The following RCC1L variants were observed in gnomAD, a reference collection of about 807,000 sequenced individuals.
RCC1L encodes RCC1 like.
In RCC1L, 46 loss-of-function variants were observed where a neutral mutation model predicts 58.6. The ratio of observed to expected loss-of-function variants is 0.79; its 90% CI spans 0.62 to 1.00. The LOEUF (loss-of-function observed/expected upper bound fraction) is 1.00, where lower values mean the gene tolerates loss of function less well. RCC1L is among the 50% of genes least tolerant of loss of function. RCC1L has a pLI of 0.00. For missense variants in RCC1L, 636 were observed against 623.6 expected (o/e 1.02, Z -0.21); for synonymous variants, 281 against 262.9 (o/e 1.07, Z -0.67).
rs1246255843 is a variant in RCC1L, at chr7:75,042,719, C to T, written c.*313G>A. 7.7e-7 allele frequency: 1 copy of T among 1,290,970 alleles called. No homozygotes were observed. The highest frequency in any genetic ancestry group is 1.5e-5 in the African/African-American group (1 of 66,456). The allele number at this position is 1,290,970 out of a possible 1,614,324, so 80.0% of individuals were successfully genotyped here. ...TCAAGCTAAGCTTTCCTAAGACGGGCTTCTCAGGCGAGACGTGACACCAGA... is the reference window on the plus strand; with the variant it reads ...TCAAGCTAAGCTTTCCTAAGACGGGTTTCTCAGGCGAGACGTGACACCAGA... On this transcript the variant is annotated 3_prime_UTR_variant, in exon 11 of 11. Transcript: ENST00000610322.
intron 10 of RCC1L, among the ~76,000 whole-genome samples, chr7:75,044,986 C>T (rs2131978898): frequency 6.6e-6 from 1 of 152,220 alleles, no homozygotes; most frequent in East Asian, 1.9e-4. Flanking sequence ...CACGCCATTG[C>T]ACTCCAGCCT....
downstream of RCC1L, among the ~76,000 whole-genome samples, chr7:75,038,548 G>A (rs1190073867): frequency 4.8e-5 from 7 of 147,048 alleles, no homozygotes; most frequent in Admixed American, 2.1e-4. Context: ...TTTTTTTGGC[G>A]CGCAGACCAG....
chr7:75,056,971 C>T (rs1806100957), intron 8 of RCC1L, among the ~76,000 whole-genome samples: 1 of 152,096 alleles, frequency 6.6e-6, no homozygotes, highest in Non-Finnish European at 1.5e-5. Flanking sequence ...CCACCATGCC[C>T]AGCTAATTTT....
intron 2 of RCC1L, among the ~76,000 whole-genome samples, chr7:75,068,555 G>A (rs1453741839): frequency 6.6e-6 from 1 of 151,576 alleles, no homozygotes; most frequent in Non-Finnish European, 1.5e-5. Flanking sequence ...GTGTGATGGC[G>A]GGCGCCTGTA....
intron 2 of RCC1L, among the ~76,000 whole-genome samples, chr7:75,069,884 T>C (rs1348940542): frequency 2.6e-5 from 4 of 152,126 alleles, no homozygotes; most frequent in Non-Finnish European, 5.9e-5. Context: ...ACTACAGGCG[T>C]GAGGCACCAC....
chr7:75,073,377 A>AGAGAGAAG, intron 1 of RCC1L, 37 bp downstream of exon 1: 1 of 932,162 alleles, frequency 1.1e-6, no homozygotes, highest in Non-Finnish European at 1.5e-6. Context: ...AGCGCGGAAG[A>AGAGAGAAG]GAGAGAAGGA....
chr7:75,033,755 G>A (rs1277694535), intron 10 of RCC1L, among the ~76,000 whole-genome samples: 2 of 151,868 alleles, frequency 1.3e-5, no homozygotes, highest in Non-Finnish European at 2.9e-5. Flanking sequence ...ACTACTCAGA[G>A]GCTGAGGCCA....
At chr7:75,057,155 T>TA (rs1806106705) in intron 8 of RCC1L, among the ~76,000 whole-genome samples, 1 of 152,176 alleles carries the variant, frequency 6.6e-6, no homozygotes, top group African/African-American at 2.4e-5. Context: ...CTATTTTTAG[T>TA]AGAGTCAGGG....
chr7:75,038,228 A>AT (rs1805471050), downstream of RCC1L, among the ~76,000 whole-genome samples: 1 of 152,086 alleles, frequency 6.6e-6, no homozygotes, highest in Non-Finnish European at 1.5e-5. Context: ...GGTGCCATGG[A>AT]TTGCATAGAG....
chr7:75,035,564 C>T (rs934363176), intron 10 of RCC1L, among the ~76,000 whole-genome samples: 1 of 152,174 alleles, frequency 6.6e-6, no homozygotes, highest in Admixed American at 6.5e-5. Flanking sequence ...TATGTTCACA[C>T]AAAAACATTC....
intron 10 of RCC1L, among the ~76,000 whole-genome samples, chr7:75,035,777 G>A (rs1439977663): frequency 3.9e-5 from 6 of 152,098 alleles, no homozygotes; most frequent in Admixed American, 2.0e-4. Context: ...TGAGGCAAGA[G>A]AATCATTTGA....
chr7:75,053,037 A>T (rs1348944672), intron 9 of RCC1L, among the ~76,000 whole-genome samples: 1 of 142,722 alleles, frequency 7.0e-6, no homozygotes, highest in Non-Finnish European at 1.5e-5. Flanking sequence ...GGAGATGAGC[A>T]CTCAAATGAA....
rs1436031947 is a variant in RCC1L at position 75,043,068 on chromosome 7, C to T, written c.1359G>A (p.Val453=). The change falls in exon 11 of 11, where the codon GTG becomes GTA. Residue 453 remains valine (V), a synonymous_variant. Transcript: ENST00000610322. Reference sequence around the variant, plus strand: ...ACTTGGCCAGGGTCACCATGTGGTCCACGCCACATGCCACGTCCACAGGCT... The same window carrying T: ...ACTTGGCCAGGGTCACCATGTGGTCTACGCCACATGCCACGTCCACAGGCT... ...PGEPVDVACG[V]DHMVTLAKSF... The T allele has an allele frequency of 2.5e-6, 4 of 1,614,036 alleles. No homozygotes were observed. In the African/African-American group the frequency reaches 4.0e-5, roughly 16 times the overall value.
intron 10 of RCC1L, among the ~76,000 whole-genome samples, chr7:75,043,632 G>C (rs1805630901): frequency 6.6e-6 from 1 of 152,202 alleles, no homozygotes; most frequent in African/African-American, 2.4e-5. Context: ...GGGAGGCCAA[G>C]GCAGGCGGAT....
intron 6 of RCC1L, among the ~76,000 whole-genome samples, chr7:75,059,041 A>G (rs1190562983): frequency 6.6e-6 from 1 of 151,294 alleles, no homozygotes; most frequent in Non-Finnish European, 1.5e-5. Flanking sequence ...AATTACAAAA[A>G]AATTATTAGG....
chr7:75,063,231 T>C, intron 5 of RCC1L, 61 bp downstream of exon 5: 1 of 1,595,186 alleles, frequency 6.3e-7, no homozygotes, highest in East Asian at 2.2e-5. Flanking sequence ...CCTACCCAAA[T>C]CTCAACTTTT....
At chr7:75,031,530 G>A (rs1044519686) in intron 10 of RCC1L, among the ~76,000 whole-genome samples, 4 of 148,946 alleles carry the variant, frequency 2.7e-5, no homozygotes, top group African/African-American at 4.9e-5. Context: ...AAAAAAAAAC[G>A]ATGCTGGCTG....
chr7:75,037,327 G>A (rs1805450982), downstream of RCC1L, among the ~76,000 whole-genome samples: 1 of 152,038 alleles, frequency 6.6e-6, no homozygotes, highest in Non-Finnish European at 1.5e-5. Context: ...TGGGATTACA[G>A]GCATGTGCCA....
At chr7:75,036,345 C>T (rs917749206) in intron 10 of RCC1L, among the ~76,000 whole-genome samples, 1 of 150,002 alleles carries the variant, frequency 6.7e-6, no homozygotes, top group Non-Finnish European at 1.5e-5. Flanking sequence ...TGGTCTCGAA[C>T]TCCCGACCTC....
Sources: gnomAD v4.1 joint callset for allele counts (sites outside exome capture counted in the v4.1 genomes callset) on GRCh38, gnomAD v4.1.1 for gene constraint, MANE v1.5 for transcripts, NCBI Gene and HGNC (gene_info 2026-07-23, HGNC 2026-07-21) for gene names.